Variants in ARHGEF7 observed in about 807,000 individuals in gnomAD.
ARHGEF7 encodes Rho guanine nucleotide exchange factor 7.
ARHGEF7 carries 33 observed loss-of-function variants against 109.8 expected under a neutral mutation model. The ratio of observed to expected loss-of-function variants is 0.30; its 90% CI spans 0.23 to 0.40. ARHGEF7 has a LOEUF of 0.40. Ranked by LOEUF, ARHGEF7 falls within the 10% of genes least tolerant of loss-of-function variation. The pLI is 1.00. For synonymous variants in ARHGEF7, 458 were observed against 424.6 expected, an observed-to-expected ratio of 1.08 and a Z score of -0.97; for missense variants, 938 against 1,098.5, an observed-to-expected ratio of 0.85 and a Z score of 2.07.
At chr13:111,238,079 C>T (rs966335434) in intron 6 of ARHGEF7, among the ~76,000 whole-genome samples, 1 of 152,140 alleles carries the variant, frequency 6.6e-6, no homozygotes, top group Admixed American at 6.5e-5. Context: ...CTTTTAATTT[C>T]AATTAGTTTT....
rs112668705 is a variant in ARHGEF7 at position 111,202,937 on chromosome 13, G to T, written c.253-2352G>T. 3,484 of 384,262 alleles carry T rather than the reference G, an allele frequency of 9.1e-3. 34 individuals are homozygous for T. Among genetic ancestry groups the T allele is most frequent in the Non-Finnish European group, 0.012 (2,823 of 232,848 alleles). The allele number at this position is 384,262 out of a possible 1,614,324, so 23.8% of individuals were successfully genotyped here. ...CTAGCTTCCTGTTGAGAAGTGTGGT[G>T]TGTGTATTCACTTAAACTCTGATGT... On this transcript the variant is annotated intron_variant, in intron 2 of 21. Coordinates refer to ENST00000646102, the MANE Select transcript of ARHGEF7 (RefSeq NM_001354046.2).
chr13:111,249,706 T>A (rs2089464448), intron 8 of ARHGEF7, among the ~76,000 whole-genome samples: 1 of 152,212 alleles, frequency 6.6e-6, no homozygotes, highest in African/African-American at 2.4e-5. Context: ...TAGTTTTTAG[T>A]GGGGGACATA....
chr13:111,218,289 C>T (rs1250515457), intron 5 of ARHGEF7, among the ~76,000 whole-genome samples: 1 of 151,910 alleles, frequency 6.6e-6, no homozygotes, highest in Non-Finnish European at 1.5e-5. Flanking sequence ...TAATTTCTGT[C>T]ATTCTCTTTG....
chr13:111,167,278 G>A (rs1032061363), intron 2 of ARHGEF7, among the ~76,000 whole-genome samples: 8 of 152,152 alleles, frequency 5.3e-5, no homozygotes, highest in African/African-American at 1.2e-4. Flanking sequence ...CTGAGGACTC[G>A]TCATCAAGTT....
chr13:111,175,068 A>G (rs1485483776), intron 2 of ARHGEF7, among the ~76,000 whole-genome samples: 2 of 152,228 alleles, frequency 1.3e-5, no homozygotes, highest in African/African-American at 4.8e-5. Context: ...TAGCCTTTCC[A>G]CAAGGTAGAT....
chr13:111,233,942 A>G (rs548801495), intron 6 of ARHGEF7, among the ~76,000 whole-genome samples: 115 of 152,348 alleles, frequency 7.5e-4, no homozygotes, highest in African/African-American at 2.6e-3. Flanking sequence ...TTATGTAGCA[A>G]TTGCATGTTC....
At chr13:111,257,167 A>C (rs541028378) in intron 8 of ARHGEF7, among the ~76,000 whole-genome samples, 2 of 152,120 alleles carry the variant, frequency 1.3e-5, no homozygotes, top group Admixed American at 1.3e-4. Context: ...TCTCCTTACT[A>C]TTCCCTTTGT....
intron 6 of ARHGEF7, among the ~76,000 whole-genome samples, chr13:111,242,602 A>G (rs2087983276): frequency 6.6e-6 from 1 of 152,224 alleles, no homozygotes. Context: ...GCTCTGTAAC[A>G]GACTCGGGTG....
At chr13:111,210,936 A>C (rs1317549859) in intron 4 of ARHGEF7, among the ~76,000 whole-genome samples, 1 of 152,194 alleles carries the variant, frequency 6.6e-6, no homozygotes, top group East Asian at 1.9e-4. Flanking sequence ...GTTAATTTAG[A>C]TAGAGTCGTG....
At chr13:111,185,519 C>T (rs190446182) in intron 2 of ARHGEF7, among the ~76,000 whole-genome samples, 5 of 152,224 alleles carry the variant, frequency 3.3e-5, no homozygotes, top group African/African-American at 1.2e-4. Flanking sequence ...CTTCTCAAAA[C>T]TGGAGTCTTG....
intron 13 of ARHGEF7, among the ~76,000 whole-genome samples, 197 bp from the exon 14 acceptor site, chr13:111,280,075 A>G (rs1262465160): frequency 6.6e-6 from 1 of 152,200 alleles, no homozygotes; most frequent in Non-Finnish European, 1.5e-5. Context: ...TCTTGCTTAC[A>G]GTACAGTATT....
chr13:111,162,067 G>A (rs959830088), intron 2 of ARHGEF7, among the ~76,000 whole-genome samples: 1 of 152,190 alleles, frequency 6.6e-6, no homozygotes, highest in Non-Finnish European at 1.5e-5. Flanking sequence ...AAAGGTGGGG[G>A]CTTTCAAAGG....
intron 1 of ARHGEF7, among the ~76,000 whole-genome samples, chr13:111,126,542 C>T (rs1400916429): frequency 1.3e-5 from 2 of 151,364 alleles, no homozygotes; most frequent in South Asian, 2.1e-4. Context: ...ATTCTTGTGA[C>T]TTGTGACAAA....
intron 1 of ARHGEF7, among the ~76,000 whole-genome samples, chr13:111,122,093 G>T (rs1372878022): frequency 3.3e-5 from 5 of 152,204 alleles, no homozygotes; most frequent in African/African-American, 9.6e-5. Context: ...TCGGGGGCTG[G>T]CAGCCTCTGC....
chr13:111,136,299 C>T (rs1418222166), intron 1 of ARHGEF7, among the ~76,000 whole-genome samples: 2 of 152,126 alleles, frequency 1.3e-5, no homozygotes, highest in Non-Finnish European at 1.5e-5. Context: ...ACATTCTTCT[C>T]AGCACCACAT....
At chr13:111,201,197 C>T (rs2081177823) in intron 2 of ARHGEF7, among the ~76,000 whole-genome samples, 1 of 152,196 alleles carries the variant, frequency 6.6e-6, no homozygotes, top group Non-Finnish European at 1.5e-5. Context: ...AGAAATCTTC[C>T]TCAGATAGTT....
At position 111,266,505 on chromosome 13, in the gene ARHGEF7, A is replaced by G. The variant is rs1358145110; in HGVS notation, c.951-1043A>G. Among the ~76,000 whole-genome samples the G allele has an allele frequency of 6.6e-6, 1 of 152,156 alleles. No individual in the cohort carries two copies. The highest frequency in any genetic ancestry group is 1.5e-5 in the Non-Finnish European group (1 of 68,030). On this transcript the variant is annotated intron_variant, in intron 8 of 21. Transcript: ENST00000646102. The surrounding 1 kb of genome is among the most constrained non-coding windows in gnomAD (Gnocchi z 4.8). ...TCATGAACTTTTATTCTGATGTGGA[A>G]TGACTATCATATTTCCTTTTTCTCC...
intron 8 of ARHGEF7, among the ~76,000 whole-genome samples, chr13:111,254,396 G>A (rs571148112): frequency 1.3e-4 from 19 of 149,674 alleles, no homozygotes; most frequent in African/African-American, 4.0e-4. Flanking sequence ...AAGAGGATTC[G>A]GGCTAAGGCG....
chr13:111,270,533 T>G, intron 9 of ARHGEF7, among the ~76,000 whole-genome samples: 1 of 152,234 alleles, frequency 6.6e-6, no homozygotes, highest in Admixed American at 6.5e-5. Flanking sequence ...CTTGTGGATA[T>G]TAGAAGGAGT....
Sources: gnomAD v4.1 joint callset for allele counts (sites outside exome capture counted in the v4.1 genomes callset) on GRCh38, gnomAD v4.1.1 for gene constraint, Gnocchi (gnomAD v3.1) non-coding constraint, MANE v1.5 for transcripts, NCBI Gene and HGNC (gene_info 2026-07-23, HGNC 2026-07-21) for gene names.